Variants in NRXN1 observed in about 807,000 individuals in gnomAD.
NRXN1 encodes neurexin-1.
Under a neutral mutation model 150.9 loss-of-function variants are expected in NRXN1, and 39 were observed. The ratio of observed to expected loss-of-function variants is 0.26; its 90% CI spans 0.20 to 0.34. The LOEUF (loss-of-function observed/expected upper bound fraction) is 0.34. Ranked by LOEUF, NRXN1 falls within the 10% of genes least tolerant of loss-of-function variation. The pLI, the probability that NRXN1 is intolerant of heterozygous loss-of-function variation, is 1.00. For synonymous variants in NRXN1, 924 were observed against 757.0 expected (o/e 1.22, Z -3.62); for missense variants, 1,815 against 1,949.9 (o/e 0.93, Z 1.30).
intron 17 of NRXN1, among the ~76,000 whole-genome samples, chr2:50,355,127 G>T (rs1284510232): frequency 3.3e-5 from 5 of 151,840 alleles, no homozygotes; most frequent in Non-Finnish European, 7.4e-5. Context: ...ATGTTGTAGA[G>T]CATATACTAC....
At chr2:50,240,039 T>A (rs2065872640) in intron 17 of NRXN1, among the ~76,000 whole-genome samples, 1 of 151,550 alleles carries the variant, frequency 6.6e-6, no homozygotes. Context: ...AGTTTTACAC[T>A]TTCAGTAAGA....
intron 18 of NRXN1, among the ~76,000 whole-genome samples, chr2:50,100,855 T>G (rs1414660934): frequency 6.6e-6 from 1 of 152,080 alleles, no homozygotes; most frequent in Non-Finnish European, 1.5e-5. Context: ...TTTATTATTT[T>G]TCTCCCTGAA....
intron 22 of NRXN1, among the ~76,000 whole-genome samples, chr2:49,927,412 T>C (rs899424481): frequency 1.3e-5 from 2 of 152,240 alleles, no homozygotes; most frequent in Non-Finnish European, 2.9e-5. Flanking sequence ...TCAGTTTGCA[T>C]TGTTTGATTA....
intron 5 of NRXN1, among the ~76,000 whole-genome samples, chr2:50,730,129 T>C (rs555434551): frequency 1.3e-5 from 2 of 151,518 alleles, no homozygotes; most frequent in African/African-American, 2.4e-5. Context: ...TGAAGAAGAG[T>C]TTTTTTTCAC....
At chr2:50,904,257 TATA>T (rs1683353096) in intron 5 of NRXN1, among the ~76,000 whole-genome samples, 1 of 152,122 alleles carries the variant, frequency 6.6e-6, no homozygotes, top group South Asian at 2.1e-4. Context: ...GAAATTAAAG[TATA>T]ATAATAATTT....
intron 18 of NRXN1, among the ~76,000 whole-genome samples, chr2:50,170,166 T>A (rs72887703): frequency 6.6e-6 from 1 of 150,474 alleles, no homozygotes; most frequent in Non-Finnish European, 1.5e-5. Flanking sequence ...CACACACACA[T>A]ATGTACACTC....
chr2:50,554,485 C>G (rs1235016587), intron 8 of NRXN1: 1 of 152,130 alleles, frequency 6.6e-6, no homozygotes, highest in South Asian at 2.1e-4. Context: ...GCCTGTTTCA[C>G]TCCCTGAAAG....
rs150452832 is a variant in NRXN1 at position 50,142,324 on chromosome 2, G to C, written c.3547-50830C>G. 2.4e-3 allele frequency among the ~76,000 whole-genome samples: 358 copies of C among 151,930 alleles called. 2 individuals carry two copies. The highest frequency in any genetic ancestry group is 3.0e-3 in the Non-Finnish European group (203 of 67,848). ...GAGAAGGGTGTTCATGTGTAGAAAG[G>C]GGGTGAAGAGAGGTAGGACAGGGGG... On this transcript the variant is annotated intron_variant, in intron 18 of 22. Coordinates refer to ENST00000401669, the MANE Select transcript of NRXN1 (RefSeq NM_001330078.2).
intron 18 of NRXN1, among the ~76,000 whole-genome samples, chr2:50,162,195 T>G (rs1400745067): frequency 6.6e-6 from 1 of 152,080 alleles, no homozygotes; most frequent in Non-Finnish European, 1.5e-5. Context: ...GATCTATCAT[T>G]CAGGACAATA....
At chr2:50,531,521 T>A in intron 10 of NRXN1, 91 bp from the exon 11 acceptor site, 1 of 923,058 alleles carries the variant, frequency 1.1e-6, no homozygotes, top group Non-Finnish European at 1.7e-6. Flanking sequence ...ATCATTTATT[T>A]AAGACTTCCA....
chr2:50,083,375 G>C (rs1011126079), intron 19 of NRXN1, among the ~76,000 whole-genome samples: 4 of 152,204 alleles, frequency 2.6e-5, no homozygotes, highest in Non-Finnish European at 5.9e-5. Context: ...CAAACCATCA[G>C]AGAATCTTGC....
chr2:50,545,194 A>G (rs545063161), intron 9 of NRXN1, among the ~76,000 whole-genome samples: 7 of 152,290 alleles, frequency 4.6e-5, no homozygotes, highest in African/African-American at 1.7e-4. Flanking sequence ...TGTTCACCAA[A>G]AGTATGTATT....
intron 2 of NRXN1, among the ~76,000 whole-genome samples, chr2:50,966,331 C>T (rs531554897): frequency 4.0e-5 from 6 of 150,388 alleles, no homozygotes; most frequent in African/African-American, 1.5e-4. Context: ...TTCCCCCAAT[C>T]CCAAAAGAGT....
chr2:51,021,083 A>G, intron 2 of NRXN1, among the ~76,000 whole-genome samples: 1 of 152,042 alleles, frequency 6.6e-6, no homozygotes, highest in Non-Finnish European at 1.5e-5. Context: ...GAACTGGGCC[A>G]CAAAATTATA....
At chr2:50,501,392 TGTGTGTGA>T (rs1213982902) in intron 13 of NRXN1, among the ~76,000 whole-genome samples, 4 of 105,368 alleles carry the variant, frequency 3.8e-5, no homozygotes, top group African/African-American at 1.0e-4. Flanking sequence ...TGTATGTGTG[TGTGTGTGA>T]GTGTGTGTGT....
chr2:50,928,307 G>A (rs1408827148), intron 2 of NRXN1, among the ~76,000 whole-genome samples: 1 of 151,932 alleles, frequency 6.6e-6, no homozygotes, highest in South Asian at 2.1e-4. Context: ...AACTGGCTTG[G>A]AGCAGACTTT....
At chr2:49,997,622 T>C (rs1683212912) in intron 21 of NRXN1, among the ~76,000 whole-genome samples, 2 of 152,194 alleles carry the variant, frequency 1.3e-5, no homozygotes, top group African/African-American at 2.4e-5. Flanking sequence ...TATCCTAACA[T>C]AGCCTTTGGC....
At chr2:50,442,686 G>C (rs553282401) in intron 17 of NRXN1, among the ~76,000 whole-genome samples, 5 of 152,098 alleles carry the variant, frequency 3.3e-5, no homozygotes, top group African/African-American at 1.2e-4. Context: ...CATAATGATA[G>C]TATTTAAGGG....
At chr2:50,871,297 C>T (rs974009132) in intron 5 of NRXN1, among the ~76,000 whole-genome samples, 1 of 151,824 alleles carries the variant, frequency 6.6e-6, no homozygotes, top group African/African-American at 2.4e-5. Flanking sequence ...TCCTGTATGA[C>T]ATTTTACAAA....
Sources: gnomAD v4.1 joint callset for allele counts (sites outside exome capture counted in the v4.1 genomes callset) on GRCh38, gnomAD v4.1.1 for gene constraint, MANE v1.5 for transcripts, NCBI Gene and HGNC (gene_info 2026-07-23, HGNC 2026-07-21) for gene names.